The following STPG2 variants were observed in gnomAD, a reference collection of about 807,000 sequenced individuals.
STPG2 encodes sperm tail PG-rich repeat containing 2, also known as sperm-tail PG-rich repeat-containing protein 2.
A neutral mutation model predicts 54.2 loss-of-function variants in STPG2; 56 were observed. That is an observed-to-expected ratio of 1.03 (90% CI 0.83 to 1.29). STPG2 has a LOEUF of 1.29. STPG2 is among the 50% of genes most tolerant of loss of function. The pLI, the probability that STPG2 is intolerant of heterozygous loss-of-function variation, is 0.00. For missense variants in STPG2, 596 were observed against 544.9 expected (o/e 1.09, Z -0.93); for synonymous variants, 200 against 181.8 (o/e 1.10, Z -0.81).
At chr4:98,123,653 C>T (rs570364200) in intron 3 of STPG2, among the ~76,000 whole-genome samples, 3 of 152,182 alleles carry the variant, frequency 2.0e-5, no homozygotes, top group Non-Finnish European at 4.4e-5. Flanking sequence ...CCGAGAAGAA[C>T]GTATATTCTG....
chr4:98,043,706 T>C (rs1185260705), intron 5 of STPG2, among the ~76,000 whole-genome samples: 1 of 152,166 alleles, frequency 6.6e-6, no homozygotes, highest in Non-Finnish European at 1.5e-5. Context: ...CTTTTTTCTT[T>C]AATAAAAATT....
intron 7 of STPG2, among the ~76,000 whole-genome samples, chr4:97,968,625 G>C (rs956647264): frequency 2.0e-5 from 3 of 151,932 alleles, no homozygotes; most frequent in South Asian, 2.1e-4. Flanking sequence ...TGCAAGGCTG[G>C]TTCAACATAT....
chr4:97,764,795 T>G (rs1164454878), intron 9 of STPG2, among the ~76,000 whole-genome samples: 1 of 152,154 alleles, frequency 6.6e-6, no homozygotes, highest in African/African-American at 2.4e-5. Flanking sequence ...TTAATTCATA[T>G]GATGGACAGA....
chr4:97,594,336 G>T (rs913622898), intron 10 of STPG2, among the ~76,000 whole-genome samples: 1 of 152,192 alleles, frequency 6.6e-6, no homozygotes. Context: ...AAAAACTCAT[G>T]TCAAGAATTT....
intron 5 of STPG2, among the ~76,000 whole-genome samples, chr4:98,047,020 A>G (rs1737150105): frequency 6.6e-6 from 1 of 152,132 alleles, no homozygotes. Flanking sequence ...TTAGGACATT[A>G]GGTGTGTAGT....
At chr4:97,893,142 C>T (rs527424238) in intron 8 of STPG2, 2 of 152,116 alleles carry the variant, frequency 1.3e-5, no homozygotes, top group East Asian at 1.9e-4. Flanking sequence ...TTAGGTTCCT[C>T]ATAGCAGGGG....
intron 8 of STPG2, among the ~76,000 whole-genome samples, chr4:97,925,309 T>C (rs970252108): frequency 1.3e-3 from 193 of 152,348 alleles, no homozygotes; most frequent in African/African-American, 4.5e-3. Context: ...TTGATGAAGA[T>C]GGCAACTATC....
intron 9 of STPG2, among the ~76,000 whole-genome samples, chr4:97,776,618 G>C (rs558737478): frequency 6.6e-6 from 1 of 152,116 alleles, no homozygotes; most frequent in Non-Finnish European, 1.5e-5. Flanking sequence ...TCTAGTGTTC[G>C]GAAGAAGTGG....
chr4:97,840,943 A>T lies in STPG2; in HGVS notation c.1045-11T>A. 6.2e-7 allele frequency: 1 copy of T among 1,609,834 alleles called. No homozygotes were observed. The highest frequency in any genetic ancestry group is 1.7e-4 in the Middle Eastern group (1 of 6,040). On this transcript the variant is annotated splice_polypyrimidine_tract_variant and intron_variant, in intron 8 of 10. Transcript: ENST00000295268. The stretch of plus-strand genomic sequence containing the variant: ...TGGCGCTGGAATAACCTGAAAAAAA[A>T]TTTAATAGATGAGCATAAATATATC...
intron 9 of STPG2, among the ~76,000 whole-genome samples, chr4:97,779,732 C>T (rs2605540): frequency 0.16 from 24,557 of 152,124 alleles, 2,149 homozygotes; most frequent in East Asian, 0.36. Context: ...CAGCGGATAA[C>T]TCAGCAGAAA....
At chr4:97,510,237 T>C (rs530091760) in intron 4 of STPG2, among the ~76,000 whole-genome samples, 1 of 152,268 alleles carries the variant, frequency 6.6e-6, no homozygotes. Flanking sequence ...GGTAAGTTGA[T>C]ACATTCTTGT....
intron 9 of STPG2, among the ~76,000 whole-genome samples, chr4:97,764,292 C>G (rs1224096183): frequency 6.6e-6 from 1 of 152,002 alleles, no homozygotes; most frequent in African/African-American, 2.4e-5. Flanking sequence ...ACTCTCACAG[C>G]ACACCTTGTT....
At chr4:98,138,302 C>T (rs1740189479) in intron 1 of STPG2, among the ~76,000 whole-genome samples, 2 of 151,874 alleles carry the variant, frequency 1.3e-5, no homozygotes, top group South Asian at 4.1e-4. Flanking sequence ...GATATATTGA[C>T]AAGTGAAGTG....
At chr4:98,115,600 A>G (rs1359158625) in intron 3 of STPG2, among the ~76,000 whole-genome samples, 3 of 151,966 alleles carry the variant, frequency 2.0e-5, no homozygotes, top group African/African-American at 7.2e-5. Flanking sequence ...CACAATAATT[A>G]CCCATCTATT....
chr4:97,812,511 G>A (rs1334929029), intron 9 of STPG2, among the ~76,000 whole-genome samples: 5 of 151,992 alleles, frequency 3.3e-5, no homozygotes, highest in Non-Finnish European at 7.4e-5. Flanking sequence ...TTTGTATAAT[G>A]AATTGAAATA....
At chr4:97,594,952 A>G (rs368461678) in intron 10 of STPG2, among the ~76,000 whole-genome samples, 4,771 of 152,284 alleles carry the variant, frequency 0.031, 168 homozygotes, top group African/African-American at 0.087. Flanking sequence ...AGGAAACAAC[A>G]GGTGCTGGAG....
At chr4:97,742,620 C>A (rs910836643) in intron 9 of STPG2, among the ~76,000 whole-genome samples, 1 of 145,304 alleles carries the variant, frequency 6.9e-6, no homozygotes, top group African/African-American at 2.5e-5. Context: ...CCTTTTGCAA[C>A]AACATGGATG....
chr4:97,956,548 A>G (rs112347131), intron 7 of STPG2, among the ~76,000 whole-genome samples: 1 of 152,142 alleles, frequency 6.6e-6, no homozygotes, highest in Non-Finnish European at 1.5e-5. Flanking sequence ...GACCCACTGA[A>G]AAAAGCAGAT....
At chr4:98,107,892 T>G (rs1029974757) in intron 4 of STPG2, among the ~76,000 whole-genome samples, 1 of 152,098 alleles carries the variant, frequency 6.6e-6, no homozygotes, top group African/African-American at 2.4e-5. Context: ...TGTTAGAGTA[T>G]TCTACAGACC....
Sources: gnomAD v4.1 joint callset for allele counts (sites outside exome capture counted in the v4.1 genomes callset) on GRCh38, gnomAD v4.1.1 for gene constraint, MANE v1.5 for transcripts, NCBI Gene and HGNC (gene_info 2026-07-23, HGNC 2026-07-21) for gene names.